CALCOCO2: variants seen among roughly 807,000 people sequenced by gnomAD.
CALCOCO2 encodes calcium binding and coiled-coil domain 2.
In CALCOCO2, 42 loss-of-function variants were observed where a neutral mutation model predicts 62.5. The ratio of observed to expected loss-of-function variants is 0.67; its 90% confidence interval spans 0.53 to 0.87. The LOEUF (loss-of-function observed/expected upper bound fraction) is 0.87, where lower values mean the gene tolerates loss of function less well. Ranked by LOEUF, CALCOCO2 falls within the 40% of genes least tolerant of loss-of-function variation. CALCOCO2 has a pLI of 0.00. For missense variants in CALCOCO2, 456 were observed against 515.0 expected (o/e 0.89, Z 1.11); for synonymous variants, 167 against 173.0 (o/e 0.97, Z 0.27).
chr17:48,841,147 G>A (rs1161832668), intron 1 of CALCOCO2, among the ~76,000 whole-genome samples: 1 of 152,138 alleles, frequency 6.6e-6, no homozygotes. Context: ...GAATTTGAAC[G>A]CCACCATTCT....
Position 48,853,117 on chromosome 17 carries a change from G to A in CALCOCO2, c.912+105G>A, listed in dbSNP as rs958571252. 6 of 748,276 alleles carry A rather than the reference G, an allele frequency of 8.0e-6. No homozygotes were observed. The African/African-American group carries it at 1.0e-4, about 13-fold the overall frequency. 46.4% of individuals were successfully genotyped at this position (748,276 alleles called of 1,614,324 possible). A position where few individuals can be genotyped will look rare whatever the true frequency, so the allele number is the denominator to read the frequency against. ...TGATGGACAGGATAAATAAGAGAGT[G>A]TTCACCTCTAGATGTTTTGCTTTCT... On this transcript the variant is annotated intron_variant, in intron 9 of 12. Transcript: ENST00000258947.
chr17:48,860,292 T>A, intron 10 of CALCOCO2, 22 bp from the exon 11 acceptor site: 1 of 1,607,348 alleles, frequency 6.2e-7, no homozygotes, highest in South Asian at 1.1e-5. Flanking sequence ...TTTCAACATG[T>A]CTATAAATCC....
Position 48,860,334 on chromosome 17 carries a change from C to T in CALCOCO2, c.1029C>T (p.Ser343=). 6.2e-7 allele frequency: 1 copy of T among 1,613,440 alleles called. No homozygotes were observed. The highest frequency in any genetic ancestry group is 1.3e-5 in the African/African-American group (1 of 75,024). Residue 343 remains serine, a synonymous_variant, in exon 11 of 13, where the codon AGC becomes AGT. Transcript: ENST00000258947. ...GENDLLKREN[S]RLLSYMGLDF... Reference sequence around the variant, plus strand: ...CTTAGCTTTTGAAGAGGGAGAACAGCAGATTGCTCAGTTACATGGGTCTGG... The same window carrying T: ...CTTAGCTTTTGAAGAGGGAGAACAGTAGATTGCTCAGTTACATGGGTCTGG...
intron 10 of CALCOCO2, among the ~76,000 whole-genome samples, chr17:48,857,909 G>A (rs918138919): frequency 2.0e-5 from 3 of 149,434 alleles, no homozygotes; most frequent in Non-Finnish European, 3.0e-5. Flanking sequence ...CCCAGGAGGT[G>A]GAGCTTGCAG....
At chr17:48,848,856 A>G (rs1335166153) in intron 4 of CALCOCO2, 5 of 477,756 alleles carry the variant, frequency 1.0e-5, no homozygotes, top group South Asian at 6.2e-5. Context: ...TTCTTACTTC[A>G]TCATTTAACA....
chr17:48,851,025 C>T, intron 5 of CALCOCO2, 64 bp from the exon 6 acceptor site: 1 of 867,686 alleles, frequency 1.2e-6, no homozygotes, highest in South Asian at 1.4e-5. Context: ...TTGTTGCCTG[C>T]CTAAGATACT....
At chr17:48,853,536 C>G (rs1424713618) in intron 9 of CALCOCO2, among the ~76,000 whole-genome samples, 1 of 152,170 alleles carries the variant, frequency 6.6e-6, no homozygotes, top group Non-Finnish European at 1.5e-5. Context: ...TTAGTTGATC[C>G]AAGGACATGA....
In CALCOCO2 at chr17:48,856,282, C is replaced by A. The variant is rs555768493; in HGVS notation, c.1008+95C>A. The A allele has an allele frequency of 2.5e-5, 16 of 649,546 alleles. No homozygotes were observed. In the East Asian group the frequency reaches 4.2e-4, roughly 17 times the overall value. The allele number at this position is 649,546 out of a possible 1,614,324, so 40.2% of individuals were successfully genotyped here. On this transcript the variant is annotated intron_variant, in intron 10 of 12. Transcript: ENST00000258947. ...AGTGAAAAAAATAAAAAGTTAAGGG[C>A]CCTTTCTGGGACAGTGGGTGAAACA...
chr17:48,858,063 A>AT (rs1245970588), intron 10 of CALCOCO2, among the ~76,000 whole-genome samples: 1 of 147,878 alleles, frequency 6.8e-6, no homozygotes, highest in African/African-American at 2.5e-5. Flanking sequence ...ATAGAATAGA[A>AT]TAGAATAGAA....
At chr17:48,852,103 A>C (rs1037787580) in intron 7 of CALCOCO2, among the ~76,000 whole-genome samples, 1 of 150,864 alleles carries the variant, frequency 6.6e-6, no homozygotes. Context: ...GCACCACTGC[A>C]CTCCAGCCTG....
At chr17:48,862,442 C>A in intron 12 of CALCOCO2, 138 bp downstream of exon 12, 2 of 721,780 alleles carry the variant, frequency 2.8e-6, no homozygotes, top group Non-Finnish European at 5.0e-6. Flanking sequence ...TGTTTTGGGC[C>A]CAAGGCTGAG....
chr17:48,832,820 G>A (rs1270159385), intron 1 of CALCOCO2, among the ~76,000 whole-genome samples: 1 of 152,180 alleles, frequency 6.6e-6, no homozygotes, highest in East Asian at 1.9e-4. Context: ...AGAGTTTCCA[G>A]TTGCCCGCAC....
At position 48,858,024 on chromosome 17, in the gene CALCOCO2, G is replaced by GAA. The variant is rs761210106; in HGVS notation, c.1008+1838_1008+1839dup. Among the ~76,000 whole-genome samples the GAA allele has an allele frequency of 7.7e-3, 116 of 15,118 alleles. No individual in the cohort carries two copies. The East Asian group carries it at 0.14, about 18-fold the overall frequency. 9.9% of individuals were successfully genotyped at this position (15,118 alleles called of 152,430 possible). On this transcript the variant is annotated intron_variant, in intron 10 of 12. Transcript: ENST00000258947. The stretch of plus-strand genomic sequence containing the variant: ...GAATAGAATAGAATAGAATAGAATA[G>GAA]AATAGAATAGAATAGAATAGAAAAT...
chr17:48,836,455 A>G (rs1363926608), intron 1 of CALCOCO2, among the ~76,000 whole-genome samples: 3 of 152,232 alleles, frequency 2.0e-5, no homozygotes, highest in Non-Finnish European at 4.4e-5. Flanking sequence ...TTGTTTACCT[A>G]CAAAGCCCCT....
rs1297592606 is a variant in CALCOCO2 at position 48,848,170 on chromosome 17, A to G, written c.283+4A>G. ...CAGCAGGAAGTCCAATTCAAAGGTG[A>G]GAAAAATACTGGATCAAAGGTGTTG... On this transcript the variant is annotated splice_donor_region_variant and intron_variant, in intron 3 of 12. Transcript: ENST00000258947. The G allele has an allele frequency of 1.9e-6, 3 of 1,598,098 alleles. No homozygotes were observed. Among genetic ancestry groups the G allele is most frequent in the Non-Finnish European group, 2.6e-6 (3 of 1,165,418 alleles).
chr17:48,847,588 T>C (rs916798776), intron 2 of CALCOCO2: 5 of 152,412 alleles, frequency 3.3e-5, no homozygotes, highest in Non-Finnish European at 7.3e-5. Context: ...AAAAATAAAA[T>C]AAAAAATTAA....
intron 4 of CALCOCO2, chr17:48,848,727 A>G (rs1868397785): frequency 1.7e-6 from 1 of 576,792 alleles, no homozygotes; most frequent in African/African-American, 1.8e-5. Context: ...TTTGTCATCT[A>G]CACATCTTAT....
At position 48,849,276 on chromosome 17, in the gene CALCOCO2, CACA is replaced by C. The variant is rs1283798640; in HGVS notation, c.447_449del (p.Asn149del). 1.9e-6 allele frequency: 3 copies of C among 1,613,514 alleles called. No homozygotes were observed. In the Admixed American group the frequency reaches 5.0e-5, roughly 27 times the overall value. ...GGGAGAGGTGGAAGAGATTGAGCAG[CACA>C]ACAAGGAGCTTTGCAAAGAAAACCA... is the stretch of plus-strand genomic sequence containing the variant. On this transcript the variant is annotated inframe_deletion, in exon 5 of 13. Transcript: ENST00000258947.
At chr17:48,862,154 G>T in intron 11 of CALCOCO2, 122 bp from the exon 12 acceptor site, 1 of 762,480 alleles carries the variant, frequency 1.3e-6, no homozygotes, top group Non-Finnish European at 2.4e-6. Flanking sequence ...GAGAGAGAAA[G>T]AATCAGAGGC....
Sources: allele counts gnomAD v4.1 joint callset (sites outside exome capture counted in the v4.1 genomes callset), GRCh38; gene constraint gnomAD v4.1.1; transcripts MANE v1.5; gene names NCBI Gene and HGNC (gene_info 2026-07-23, HGNC 2026-07-21).